Variants in PRELID2 observed in about 807,000 individuals in gnomAD.
The protein encoded by PRELID2 is PRELI domain-containing protein 2.
PRELID2 carries 25 observed loss-of-function variants against 28.4 expected under a neutral mutation model. The observed-to-expected ratio is 0.88, with a 90% CI of 0.64 to 1.23. The LOEUF is 1.23. PRELID2 is among the 50% of genes most tolerant of loss of function. PRELID2 has a pLI of 0.00. For synonymous variants in PRELID2, 76 were observed against 71.6 expected (o/e 1.06, Z -0.31); for missense variants, 201 against 214.4 (o/e 0.94, Z 0.39).
At chr5:145,460,630 A>G in the PRELID2 span, among the ~76,000 whole-genome samples, 1 of 152,186 alleles carries the variant, frequency 6.6e-6, no homozygotes, top group Non-Finnish European at 1.5e-5. Context: ...ACCCTGTGCT[A>G]TACTTCTTTA....
At chr5:145,242,285 A>G in the PRELID2 span, among the ~76,000 whole-genome samples, 2 of 152,126 alleles carry the variant, frequency 1.3e-5, no homozygotes, top group Middle Eastern at 6.8e-3. Context: ...AACTGAAACT[A>G]GCTGGAATAT....
chr5:145,353,469 A>C, the PRELID2 span, among the ~76,000 whole-genome samples: 9 of 140,046 alleles, frequency 6.4e-5, no homozygotes, highest in Non-Finnish European at 1.1e-4. Context: ...TCTCAAAAAA[A>C]AAAGAAAAGA....
At chr5:145,313,916 A>C in the PRELID2 span, among the ~76,000 whole-genome samples, 1 of 152,216 alleles carries the variant, frequency 6.6e-6, no homozygotes, top group Non-Finnish European at 1.5e-5. Context: ...CAGAGAAAAG[A>C]ATCTATGAAC....
At chr5:145,358,081 T>C in the PRELID2 span, among the ~76,000 whole-genome samples, 3 of 152,136 alleles carry the variant, frequency 2.0e-5, no homozygotes, top group Non-Finnish European at 4.4e-5. Context: ...TTCTGGTTCA[T>C]GGGGCTCCTT....
At chr5:145,372,295 C>T in the PRELID2 span, among the ~76,000 whole-genome samples, 1 of 152,042 alleles carries the variant, frequency 6.6e-6, no homozygotes, top group African/African-American at 2.4e-5. Context: ...TTTTATTGCA[C>T]TGTGGTCTAA....
intron 1 of PRELID2, among the ~76,000 whole-genome samples, chr5:145,591,628 T>C (rs1753230315): frequency 6.6e-6 from 1 of 152,094 alleles, no homozygotes; most frequent in Non-Finnish European, 1.5e-5. Context: ...ACTCAAAAGC[T>C]CTTGAGAATT....
chr5:145,817,198 A>AAAAAAAATATAT lies in PRELID2; in HGVS notation c.368+695_368+696insATATATTTTTTT, dbSNP rs1365517052. Among the ~76,000 whole-genome samples, 153 of 69,908 alleles carry AAAAAAAATATAT rather than the reference A, an allele frequency of 2.2e-3. 5 individuals are homozygous for AAAAAAAATATAT. The highest frequency in any genetic ancestry group is 3.7e-3 in the Non-Finnish European group (113 of 30,494). The allele number at this position is 69,908 out of a possible 152,430, so 45.9% of individuals were successfully genotyped here. ...AGAGCAAGACTGCATTTCAAAAAAA[A>AAAAAAAATATAT]ATAAATAAATAAATAAAAAAAAATA... On this transcript the variant is annotated intron_variant, in intron 4 of 6. Coordinates refer to ENST00000683046, the MANE Select transcript of PRELID2 (RefSeq NM_205846.3).
the PRELID2 span, among the ~76,000 whole-genome samples, chr5:145,348,687 T>C: frequency 6.6e-6 from 1 of 152,136 alleles, no homozygotes; most frequent in Non-Finnish European, 1.5e-5. Context: ...TATCTTTGCA[T>C]CCTTTCCAAC....
At chr5:145,245,693 C>T in the PRELID2 span, among the ~76,000 whole-genome samples, 2 of 151,970 alleles carry the variant, frequency 1.3e-5, no homozygotes, top group African/African-American at 2.4e-5. Flanking sequence ...TCAAAAGAAA[C>T]GGAAGTTCAG....
At chr5:145,632,252 A>G (rs1231581810) in intron 1 of PRELID2, among the ~76,000 whole-genome samples, 2 of 152,146 alleles carry the variant, frequency 1.3e-5, no homozygotes, top group Non-Finnish European at 1.5e-5. Flanking sequence ...CAAAATGGCT[A>G]CCATTGACAC....
At chr5:145,345,314 T>G in the PRELID2 span, among the ~76,000 whole-genome samples, 14 of 148,744 alleles carry the variant, frequency 9.4e-5, 1 homozygote, top group South Asian at 2.9e-3. Flanking sequence ...GACATGCTCT[T>G]GTCTTTCTGC....
intron 5 of PRELID2, among the ~76,000 whole-genome samples, chr5:145,771,798 T>G (rs1758124680): frequency 6.6e-6 from 1 of 151,584 alleles, no homozygotes; most frequent in Non-Finnish European, 1.5e-5. Context: ...AAGATTGCGG[T>G]GAGCCGAGAT....
At chr5:145,636,297 C>T (rs1188772119) in intron 1 of PRELID2, among the ~76,000 whole-genome samples, 2 of 152,196 alleles carry the variant, frequency 1.3e-5, no homozygotes, top group Non-Finnish European at 2.9e-5. Context: ...ATAGCACATG[C>T]TCAATGCCAT....
At chr5:145,679,926 T>C (rs541158006) in intron 1 of PRELID2, among the ~76,000 whole-genome samples, 2 of 151,350 alleles carry the variant, frequency 1.3e-5, no homozygotes, top group South Asian at 2.1e-4. Flanking sequence ...ACATTACTTA[T>C]AAATATGTAT....
the PRELID2 span, among the ~76,000 whole-genome samples, chr5:145,304,227 T>A: frequency 2.6e-5 from 4 of 152,178 alleles, no homozygotes; most frequent in South Asian, 8.3e-4. Context: ...ATTTTCAAAA[T>A]CTTATAAATC....
the PRELID2 span, among the ~76,000 whole-genome samples, chr5:145,238,816 A>C: frequency 6.6e-6 from 1 of 152,100 alleles, no homozygotes; most frequent in Non-Finnish European, 1.5e-5. Context: ...TGCAAATGAA[A>C]GCCTACACAA....
intron 1 of PRELID2, among the ~76,000 whole-genome samples, chr5:145,718,914 G>A (rs551774863): frequency 3.2e-4 from 49 of 151,912 alleles, no homozygotes; most frequent in Non-Finnish European, 5.9e-4. Context: ...GTTAACTGAG[G>A]AAAATGTCTT....
In PRELID2 at chr5:145,663,877, A is replaced by G. The variant is rs551702928; in HGVS notation, n.70+101054T>C. Among the ~76,000 whole-genome samples, 7 of 152,244 alleles carry G rather than the reference A, an allele frequency of 4.6e-5. No individual in the cohort carries two copies. In the South Asian group the frequency reaches 1.2e-3, roughly 27 times the overall value. On this transcript the variant is annotated intron_variant and non_coding_transcript_variant, in intron 1 of 2. Transcript: ENST00000510259. ...TAATGTGCTCAGCAGTGCGCCCATTATCATTATTTTTAGAGATTTTTAGGT... is the reference window on the plus strand; with the variant it reads ...TAATGTGCTCAGCAGTGCGCCCATTGTCATTATTTTTAGAGATTTTTAGGT...
the PRELID2 span, among the ~76,000 whole-genome samples, chr5:145,420,176 C>A: frequency 3.3e-5 from 5 of 152,168 alleles, no homozygotes; most frequent in South Asian, 6.2e-4. Context: ...ATGCCTCCAG[C>A]TTTGTTCTTT....
Sources: gnomAD v4.1 joint callset for allele counts (sites outside exome capture counted in the v4.1 genomes callset) on GRCh38, gnomAD v4.1.1 for gene constraint, MANE v1.5 for transcripts, NCBI Gene and HGNC (gene_info 2026-07-23, HGNC 2026-07-21) for gene names.